ABCG2: variants seen among roughly 807,000 people sequenced by gnomAD.
ABCG2 encodes the protein broad substrate specificity ATP-binding cassette transporter ABCG2.
ABCG2 carries 80 observed loss-of-function variants against 73.5 expected under a neutral mutation model. The ratio of observed to expected loss-of-function variants is 1.09; its 90% CI spans 0.91 to 1.31. The LOEUF (loss-of-function observed/expected upper bound fraction) is 1.31, where lower values mean the gene tolerates loss of function less well. Among genes scored for constraint, ABCG2 ranks in the 50% most tolerant of loss-of-function variants. The probability of loss-of-function intolerance (pLI) is 0.00; values close to 1 mark genes in which losing one functional copy is unlikely to be tolerated. For synonymous variants in ABCG2, 269 were observed against 282.4 expected, an observed-to-expected ratio of 0.95 and a Z score of 0.48; for missense variants, 796 against 786.2, an observed-to-expected ratio of 1.01 and a Z score of -0.15.
intron 1 of ABCG2, among the ~76,000 whole-genome samples, chr4:88,193,839 G>A (rs1728805899): frequency 6.6e-6 from 1 of 152,106 alleles, no homozygotes; most frequent in Non-Finnish European, 1.5e-5. Flanking sequence ...CCACTTCCTG[G>A]ATTCAAGCGA....
At chr4:88,100,456 T>C (rs1014005109) in intron 11 of ABCG2, among the ~76,000 whole-genome samples, 2 of 151,006 alleles carry the variant, frequency 1.3e-5, no homozygotes, top group Non-Finnish European at 2.9e-5. Context: ...TGAGCCAAGA[T>C]TGCACCATTG....
intron 1 of ABCG2, among the ~76,000 whole-genome samples, chr4:88,154,525 T>C (rs1366615309): frequency 6.6e-6 from 1 of 152,180 alleles, no homozygotes; most frequent in African/African-American, 2.4e-5. Context: ...GAAGATACTA[T>C]AGCATAGCCT....
At chr4:88,110,108 C>T (rs760960330) in intron 9 of ABCG2, among the ~76,000 whole-genome samples, 6 of 152,098 alleles carry the variant, frequency 3.9e-5, no homozygotes, top group Admixed American at 6.6e-5. Flanking sequence ...CACCACCACA[C>T]TTAGCTCATT....
chr4:88,131,745 A>T, intron 4 of ABCG2, 58 bp downstream of exon 4: 1 of 1,275,348 alleles, frequency 7.8e-7, no homozygotes, highest in Non-Finnish European at 1.1e-6. Flanking sequence ...CTATCAGCCA[A>T]AGCACTTACC....
In ABCG2 at chr4:88,131,226, A is replaced by G; in HGVS notation, c.379-13T>C. 1 of 1,613,436 alleles carries G rather than the reference A, an allele frequency of 6.2e-7. No individual in the cohort carries two copies. The highest frequency in any genetic ancestry group is 2.2e-5 in the East Asian group (1 of 44,868). Reference sequence around the variant, plus strand: ...TCACAACATCATCCTTAAGGCAAATAGCATTTTAATGAGACATAATGATAA... The same window carrying G: ...TCACAACATCATCCTTAAGGCAAATGGCATTTTAATGAGACATAATGATAA... On this transcript the variant is annotated splice_polypyrimidine_tract_variant and intron_variant, in intron 4 of 15. Coordinates refer to ENST00000237612, the MANE Select transcript of ABCG2 (RefSeq NM_004827.3).
chr4:88,183,881 A>C (rs1375973680), intron 1 of ABCG2, among the ~76,000 whole-genome samples: 1 of 152,208 alleles, frequency 6.6e-6, no homozygotes, highest in Admixed American at 6.5e-5. Context: ...AATAGGGTTT[A>C]TCCCAGTGAT....
intron 1 of ABCG2, among the ~76,000 whole-genome samples, chr4:88,171,506 G>GAA (rs1323659947): frequency 2.9e-5 from 1 of 34,346 alleles, no homozygotes. Context: ...TTCAAGGTCT[G>GAA]ATTCGTTCTT....
intron 12 of ABCG2, among the ~76,000 whole-genome samples, chr4:88,098,666 A>AGATAGATG (rs1722169060): frequency 6.6e-6 from 1 of 151,162 alleles, no homozygotes; most frequent in African/African-American, 2.4e-5. Flanking sequence ...ATAGATAGAT[A>AGATAGATG]GATAGATAGA....
chr4:88,113,258 C>T, intron 9 of ABCG2, 45 bp downstream of exon 9: 1 of 1,590,470 alleles, frequency 6.3e-7, no homozygotes, highest in South Asian at 1.2e-5. Flanking sequence ...GATAACAGAA[C>T]CACATTGTTC....
intron 1 of ABCG2, among the ~76,000 whole-genome samples, chr4:88,196,086 A>G (rs1728933428): frequency 6.6e-6 from 1 of 152,122 alleles, no homozygotes; most frequent in Non-Finnish European, 1.5e-5. Flanking sequence ...CAGTGTAACA[A>G]CTGCCTGACC....
At chr4:88,096,800 A>G (rs574988487) in intron 13 of ABCG2, among the ~76,000 whole-genome samples, 3 of 152,160 alleles carry the variant, frequency 2.0e-5, no homozygotes, top group African/African-American at 7.2e-5. Flanking sequence ...AACGAAACCC[A>G]GAAAGGAGGT....
intron 1 of ABCG2, among the ~76,000 whole-genome samples, chr4:88,203,159 T>C (rs1409687855): frequency 6.6e-6 from 1 of 152,176 alleles, no homozygotes; most frequent in Non-Finnish European, 1.5e-5. Flanking sequence ...TGAGGGTAAT[T>C]CAAAACATTG....
intron 1 of ABCG2, among the ~76,000 whole-genome samples, chr4:88,184,150 A>C (rs1249449882): frequency 6.6e-6 from 1 of 152,232 alleles, no homozygotes; most frequent in African/African-American, 2.4e-5. Context: ...GATCTGGAAC[A>C]AAACAAGGAT....
chr4:88,114,902 A>T, intron 8 of ABCG2, 55 bp downstream of exon 8: 2 of 1,267,328 alleles, frequency 1.6e-6, no homozygotes, highest in Non-Finnish European at 2.3e-6. Context: ...CCACATTGCT[A>T]AACTTCAGCC....
rs151046377 is a variant in ABCG2 at position 88,150,819 on chromosome 4, A to G, written c.-20+7567T>C. On this transcript the variant is annotated intron_variant, in intron 1 of 15. Transcript: ENST00000237612. ...GGTAGGGACAATGCAGGGAGACCACATAAGAGTCCACCATAATAATATCAA... is the reference window on the plus strand; with the variant it reads ...GGTAGGGACAATGCAGGGAGACCACGTAAGAGTCCACCATAATAATATCAA... 1.8e-3 allele frequency among the ~76,000 whole-genome samples: 280 copies of G among 152,336 alleles called. 4 individuals are homozygous for G. The highest frequency in any genetic ancestry group is 0.015 in the Admixed American group (234 of 15,310).
At chr4:88,122,343 G>A (rs574925139) in intron 5 of ABCG2, among the ~76,000 whole-genome samples, 8 of 151,872 alleles carry the variant, frequency 5.3e-5, no homozygotes, top group Non-Finnish European at 1.2e-4. Context: ...AAAAGGGGCT[G>A]AAGCCAGGGA....
upstream of ABCG2, chr4:88,158,648 C>T: frequency 2.2e-6 from 1 of 456,300 alleles, no homozygotes; most frequent in African/African-American, 2.0e-5. Context: ...CTGCCTCTTC[C>T]CTCCTGCGCG....
At chr4:88,142,519 T>A (rs1725713375) in intron 1 of ABCG2, among the ~76,000 whole-genome samples, 1 of 152,206 alleles carries the variant, frequency 6.6e-6, no homozygotes, top group Non-Finnish European at 1.5e-5. Flanking sequence ...GGTTTTAATC[T>A]GTGAACACAA....
At chr4:88,131,003 C>A in intron 5 of ABCG2, 58 bp downstream of exon 5, 2 of 1,575,516 alleles carry the variant, frequency 1.3e-6, no homozygotes, top group African/African-American at 1.4e-5. Context: ...GTCATTTTAT[C>A]CACACAGGGA....
Sources: allele counts gnomAD v4.1 joint callset (sites outside exome capture counted in the v4.1 genomes callset), GRCh38; gene constraint gnomAD v4.1.1; transcripts MANE v1.5; gene names NCBI Gene and HGNC (gene_info 2026-07-23, HGNC 2026-07-21).